STARD9: variants seen among roughly 807,000 people sequenced by gnomAD.
STARD9 encodes the protein stAR-related lipid transfer protein 9.
Under a neutral mutation model 399.8 loss-of-function variants are expected in STARD9, and 346 were observed. The observed-to-expected ratio is 0.87, with a 90% confidence interval of 0.79 to 0.95. The LOEUF (loss-of-function observed/expected upper bound fraction) is 0.95, where lower values mean the gene tolerates loss of function less well. Ranked by LOEUF, STARD9 falls within the 40% of genes least tolerant of loss-of-function variation. STARD9 has a pLI of 0.00. For missense variants in STARD9, 5,832 were observed against 5,667.5 expected (o/e 1.03, Z -0.93); for synonymous variants, 2,203 against 2,143.5 (o/e 1.03, Z -0.77).
intron 7 of STARD9, among the ~76,000 whole-genome samples, chr15:42,648,463 T>A (rs947935406): frequency 1.6e-4 from 25 of 152,160 alleles, no homozygotes; most frequent in African/African-American, 6.0e-4. Flanking sequence ...ATACCCAGCC[T>A]GCTTTTCTTG....
intron 3 of STARD9, among the ~76,000 whole-genome samples, chr15:42,586,625 C>A (rs1014567368): frequency 5.3e-5 from 8 of 152,084 alleles, no homozygotes; most frequent in Admixed American, 1.3e-4. Context: ...AAGTCCAAAC[C>A]TAAAATTGGA....
rs16957061 is a variant in STARD9 at position 42,691,984 on chromosome 15, A to G, written c.10406A>G (p.Tyr3469Cys). The G allele has an allele frequency of 0.021, 32,095 of 1,537,162 alleles. 1,348 individuals are homozygous for G. The highest frequency in any genetic ancestry group is 0.17 in the African/African-American group (12,732 of 73,106). The change falls in exon 23 of 33, where the codon TAT becomes TGT. Residue 3469 changes from tyrosine to cysteine, a missense_variant. Coordinates refer to ENST00000290607, the MANE Select transcript of STARD9 (RefSeq NM_020759.3). Reference protein sequence around the residue: ...LHFGSSDISPYALPWRPEEPA... With the variant: ...LHFGSSDISPCALPWRPEEPA... ...TTTGGCTCCAGTGACATCAGTCCCT[A>G]TGCGCTGCCGTGGCGTCCGGAGGAG...
chr15:42,699,625 C>T (rs1047183438), intron 26 of STARD9, among the ~76,000 whole-genome samples: 7 of 151,820 alleles, frequency 4.6e-5, no homozygotes, highest in African/African-American at 1.7e-4. Flanking sequence ...GATTTCCTGA[C>T]CTCGTGATCT....
intron 26 of STARD9, among the ~76,000 whole-genome samples, chr15:42,710,284 A>G (rs745653501): frequency 2.0e-5 from 3 of 150,612 alleles, no homozygotes; most frequent in Non-Finnish European, 4.4e-5. Context: ...GCTGGTGTTG[A>G]ACTCCTGGGC....
chr15:42,612,990 GAAAAAAAAAA>G (rs60332578), intron 3 of STARD9, among the ~76,000 whole-genome samples: 1 of 119,302 alleles, frequency 8.4e-6, no homozygotes, highest in African/African-American at 3.3e-5. Context: ...TCTCAGAGGG[GAAAAAAAAAA>G]AAAAAAAAAA....
intron 3 of STARD9, among the ~76,000 whole-genome samples, chr15:42,586,329 A>G (rs1193585506): frequency 1.3e-5 from 2 of 152,194 alleles, no homozygotes; most frequent in Non-Finnish European, 1.5e-5. Flanking sequence ...AATCTTATCA[A>G]TCTGCTGTTT....
chr15:42,643,301 A>G (rs1362165203), intron 7 of STARD9, among the ~76,000 whole-genome samples: 1 of 151,590 alleles, frequency 6.6e-6, no homozygotes, highest in Non-Finnish European at 1.5e-5. Context: ...AGTTTGAGTA[A>G]TTCTGCTGCC....
rs1237010605 is a variant in STARD9 at position 42,686,973 on chromosome 15, C to T, written c.5395C>T (p.Pro1799Ser). The T allele has an allele frequency of 4.6e-6, 7 of 1,536,358 alleles. No homozygotes were observed. The East Asian group carries it at 1.5e-4, about 32-fold the overall frequency. The part of the protein sequence containing the change: ...LQGAYLKNNL[P>S]VLLQNQNSKI... ...AGGTGCTTATTTGAAGAATAATTTG[C>T]CAGTGCTGTTACAAAACCAGAATTC... Residue 1799 changes from proline (P) to serine (S), a missense_variant, in exon 23 of 33, where the codon CCA becomes TCA. By Grantham distance (74) the Pro-to-Ser change is moderately conservative. This residue lies in a region of STARD9 where 5,828 missense variants were observed against 5,651.1 expected (regional missense o/e 1.03). Transcript: ENST00000290607.
At chr15:42,627,913 T>C (rs951548434) in intron 3 of STARD9, among the ~76,000 whole-genome samples, 2 of 152,246 alleles carry the variant, frequency 1.3e-5, no homozygotes, top group Non-Finnish European at 2.9e-5. Flanking sequence ...CTTTTTGACA[T>C]ACTGATTTCA....
At chr15:42,664,245 CTG>C (rs1284483831) in intron 13 of STARD9, among the ~76,000 whole-genome samples, 1 of 152,194 alleles carries the variant, frequency 6.6e-6, no homozygotes, top group African/African-American at 2.4e-5. Context: ...GGGTCTCACT[CTG>C]TCACCCAGGC....
intron 26 of STARD9, among the ~76,000 whole-genome samples, chr15:42,706,133 C>T (rs2061075180): frequency 6.6e-6 from 1 of 152,180 alleles, no homozygotes. Flanking sequence ...TTAATAGGAT[C>T]ATGTGGATTG....
At chr15:42,677,406 G>A (rs981417332) in intron 20 of STARD9, among the ~76,000 whole-genome samples, 4 of 152,228 alleles carry the variant, frequency 2.6e-5, no homozygotes, top group Non-Finnish European at 5.9e-5. Context: ...AGAGCTCTAT[G>A]GGATGGAGAA....
intron 20 of STARD9, among the ~76,000 whole-genome samples, chr15:42,681,002 G>C (rs558700871): frequency 6.6e-6 from 1 of 152,226 alleles, no homozygotes; most frequent in African/African-American, 2.4e-5. Flanking sequence ...GTAGGAGAGA[G>C]TTTTATGCCC....
At chr15:42,697,881 ACAGGGAAATACC>A (rs2060878337) in intron 26 of STARD9, among the ~76,000 whole-genome samples, 1 of 152,172 alleles carries the variant, frequency 6.6e-6, no homozygotes, top group Non-Finnish European at 1.5e-5. Context: ...TAAAAGGGAT[ACAGGGAAATACC>A]CATCCCCGCC....
Position 42,694,667 on chromosome 15 carries a change from C to G in STARD9, c.12904C>G (p.Pro4302Ala). 2 of 1,537,154 alleles carry G rather than the reference C, an allele frequency of 1.3e-6. No individual in the cohort carries two copies. The highest frequency in any genetic ancestry group is 3.9e-5 in the Admixed American group (2 of 50,990). ...KDLFIWDLDL[P>A]SRRREYLQQL... ...TCTCTTCATCTGGGATCTTGACTTGCCCAGCAGACGCCGAGAATACCTGCA... is the reference window on the plus strand; with the variant it reads ...TCTCTTCATCTGGGATCTTGACTTGGCCAGCAGACGCCGAGAATACCTGCA... The change falls in exon 24 of 33, where the codon CCC (proline) becomes GCC (alanine). Residue 4302 changes from proline to alanine, a missense_variant. This residue lies in a region of STARD9 where 5,828 missense variants were observed against 5,651.1 expected (regional missense o/e 1.03). Coordinates refer to ENST00000290607, the MANE Select transcript of STARD9 (RefSeq NM_020759.3).
chr15:42,718,709 T>C (rs1434114992), intron 31 of STARD9, 43 bp from the exon 32 acceptor site: 5 of 1,530,894 alleles, frequency 3.3e-6, no homozygotes, highest in Non-Finnish European at 4.4e-6. Flanking sequence ...TCCTGTTTTG[T>C]CCACACTACA....
chr15:42,576,098 T>A (rs1256007907), intron 1 of STARD9, among the ~76,000 whole-genome samples: 1 of 152,146 alleles, frequency 6.6e-6, no homozygotes, highest in Non-Finnish European at 1.5e-5. Flanking sequence ...ATGAGCATTC[T>A]CCTCTCTCTT....
At position 42,678,371 on chromosome 15, in the gene STARD9, C is replaced by T. The variant is rs2060355898; in HGVS notation, c.1874+2396C>T. ...CTCTGGAGCAGCATTCATGAGGAGC[C>T]TGCAAAGCTGGAGCTAGCTCCAGAG... is the stretch of plus-strand genomic sequence containing the variant. On this transcript the variant is annotated intron_variant, in intron 20 of 32. Coordinates refer to ENST00000290607, the MANE Select transcript of STARD9 (RefSeq NM_020759.3). Among the ~76,000 whole-genome samples, 4 of 152,174 alleles carry T rather than the reference C, an allele frequency of 2.6e-5. No individual in the cohort carries two copies. In the South Asian group the frequency reaches 6.2e-4, roughly 24 times the overall value.
At chr15:42,579,251 T>TA (rs2141642835) in intron 1 of STARD9, among the ~76,000 whole-genome samples, 1 of 152,198 alleles carries the variant, frequency 6.6e-6, no homozygotes, top group Admixed American at 6.5e-5. Context: ...AACCAACCAC[T>TA]ACAAACTCCA....
Sources: allele counts gnomAD v4.1 joint callset (sites outside exome capture counted in the v4.1 genomes callset), GRCh38; gene constraint gnomAD v4.1.1; regional missense constraint gnomAD v4.1.1; transcripts MANE v1.5; gene names NCBI Gene and HGNC (gene_info 2026-07-23, HGNC 2026-07-21).